Variants in CCDC120 observed in about 807,000 individuals in gnomAD.
CCDC120 encodes coiled-coil domain-containing protein 120.
In CCDC120, 16 loss-of-function variants were observed where a neutral mutation model predicts 37.6. The observed-to-expected ratio is 0.43, with a 90% CI of 0.29 to 0.65. The LOEUF is 0.65. Ranked by LOEUF, CCDC120 falls within the 30% of genes least tolerant of loss-of-function variation. The pLI is 0.18. For missense variants in CCDC120, 650 were observed against 657.4 expected (o/e 0.99, Z 0.12); for synonymous variants, 309 against 275.4 (o/e 1.12, Z -1.21).
At chrX:49,064,229 C>G in intron 5 of CCDC120, 141 bp from the exon 6 acceptor site, 1 of 792,785 alleles carries the variant, frequency 1.3e-6, no homozygotes, top group Non-Finnish European at 1.7e-6. Flanking sequence ...CAGCCCTTCA[C>G]CAAGAGAGGC....
At position 49,064,890 on chromosome X, in the gene CCDC120, G is replaced by A; in HGVS notation, c.725-146G>A. ...CCAAACTGGGGTGGTCTTGGGCTCTGGTAAAAGCAGATTCTTGGGACAGGA... is the reference window on the plus strand; with the variant it reads ...CCAAACTGGGGTGGTCTTGGGCTCTAGTAAAAGCAGATTCTTGGGACAGGA... On this transcript the variant is annotated intron_variant, in intron 6 of 10. Coordinates refer to ENST00000603986, the MANE Select transcript of CCDC120 (RefSeq NM_001163321.4). The A allele has an allele frequency of 9.9e-6, 7 of 709,633 alleles. No individual in the cohort carries two copies. The South Asian group carries it at 1.8e-4, about 19-fold the overall frequency. 58.5% of individuals were successfully genotyped at this position (709,633 alleles called of 1,213,427 possible).
chrX:49,063,849 G>A lies in CCDC120; in HGVS notation c.289-12G>A. On this transcript the variant is annotated splice_polypyrimidine_tract_variant and intron_variant, in intron 4 of 10. Transcript: ENST00000603986. ...TAACCCTTGGTAGTCTCTGACCCCT[G>A]CCTCCCACCAGGAGCTGACTGGCCA... is the stretch of plus-strand genomic sequence containing the variant. 1 of 1,196,085 alleles carries A rather than the reference G, an allele frequency of 8.4e-7. No individual in the cohort carries two copies. The highest frequency in any genetic ancestry group is 3.0e-5 in the East Asian group (1 of 33,109).
chrX:49,064,349 A>G, intron 5 of CCDC120, 21 bp from the exon 6 acceptor site: 1 of 1,147,545 alleles, frequency 8.7e-7, no homozygotes, highest in East Asian at 3.3e-5. Context: ...GCCATTTCCA[A>G]CATTTGGGTG....
At chrX:49,064,079 G>A in intron 5 of CCDC120, 78 bp downstream of exon 5, 1 of 1,094,849 alleles carries the variant, frequency 9.1e-7, no homozygotes, top group Admixed American at 3.3e-5. Flanking sequence ...GAAGGTGTGG[G>A]GAGGGGGCTT....
chrX:49,068,669 T>TA lies in CCDC120; in HGVS notation c.*12dup. The TA allele has an allele frequency of 1.8e-6, 2 of 1,106,175 alleles. No individual in the cohort carries two copies. The highest frequency in any genetic ancestry group is 2.4e-6 in the Non-Finnish European group (2 of 842,262). 91.2% of individuals were successfully genotyped at this position (1,106,175 alleles called of 1,213,427 possible). On this transcript the variant is annotated 3_prime_UTR_variant, in exon 11 of 11. Transcript: ENST00000603986. Reference sequence around the variant, plus strand: ...GGGACACTGGTCTGACCCCTTCTGATATGTCCCTTGTTGGCCTGGGCACGA... The same window carrying TA: ...GGGACACTGGTCTGACCCCTTCTGATAATGTCCCTTGTTGGCCTGGGCACGA...
chrX:49,063,743 G>A (rs782343730), intron 4 of CCDC120, 118 bp from the exon 5 acceptor site: 7 of 770,142 alleles, frequency 9.1e-6, no homozygotes, highest in Admixed American at 3.7e-5. Context: ...AGTATCGTGC[G>A]TGGTTGCTGA....
rs142345983 is a variant in CCDC120, at chrX:49,063,945, C to T, written c.373C>T (p.Arg125Cys). Residue 125 changes from arginine to cysteine, a missense_variant, in exon 5 of 11, where the codon CGC becomes TGC. Arg to Cys is a radical substitution (Grantham distance 180). This residue lies in a region of CCDC120 where 576 missense variants were observed against 565.3 expected (regional missense o/e 1.02). Transcript: ENST00000603986. ...QLVRRRPPTA[R>C]AYPPPHPNQA... The stretch of plus-strand genomic sequence containing the variant: ...GGTCCGCCGGCGGCCCCCCACAGCC[C>T]GCGCCTACCCTCCACCGCACCCCAA... The T allele has an allele frequency of 2.5e-5, 30 of 1,206,364 alleles. No individual in the cohort carries two copies. Among genetic ancestry groups the T allele is most frequent in the African/African-American group, 2.3e-4 (13 of 56,823 alleles).
chrX:49,056,715 A>G (rs2064833578), upstream of CCDC120, among the ~76,000 whole-genome samples: 1 of 111,105 alleles, frequency 9.0e-6, no homozygotes, highest in African/African-American at 3.3e-5. Flanking sequence ...ATCTGAGGAA[A>G]AACAACTGTT....
rs782469793 is a variant in CCDC120, at chrX:49,067,417, C to G, written c.1303C>G (p.Arg435Gly). Residue 435 changes from arginine (R) to glycine (G), a missense_variant, in exon 10 of 11, where the codon CGC becomes GGC. This residue lies in a region of CCDC120 where 576 missense variants were observed against 565.3 expected (regional missense o/e 1.02). Transcript: ENST00000603986. ...VCKSSEVLYE[R>G]PQPTPAFSSR... Reference sequence around the variant, plus strand: ...CAAGAGCAGTGAGGTGCTGTATGAGCGCCCCCAACCAACCCCTGCCTTCTC... The same window carrying G: ...CAAGAGCAGTGAGGTGCTGTATGAGGGCCCCCAACCAACCCCTGCCTTCTC... 1 of 1,190,353 alleles carries G rather than the reference C, an allele frequency of 8.4e-7. No individual in the cohort carries two copies. The highest frequency in any genetic ancestry group is 2.2e-5 in the Admixed American group (1 of 44,840).
intron 1 of CCDC120, among the ~76,000 whole-genome samples, chrX:49,060,115 G>A (rs1557079146): frequency 1.8e-5 from 2 of 111,828 alleles, no homozygotes; most frequent in African/African-American, 3.3e-5. Flanking sequence ...CTTCCAGGAC[G>A]CTCTGAGAAA....
chrX:49,067,206 C>T lies in CCDC120; in HGVS notation c.1092C>T (p.Ser364=), dbSNP rs782785098. 4.5e-5 allele frequency: 54 copies of T among 1,209,181 alleles called. No individual in the cohort carries two copies. The highest frequency in any genetic ancestry group is 4.6e-4 in the Middle Eastern group (2 of 4,303). ...KPEGLHSRQW[S]GSQDSQMGFP... is the part of the protein sequence containing the mutation. ...AAGGCCTTCATTCTCGTCAGTGGTCCGGCAGCCAGGACTCCCAGATGGGCT... is the reference window on the plus strand; with the variant it reads ...AAGGCCTTCATTCTCGTCAGTGGTCTGGCAGCCAGGACTCCCAGATGGGCT... The change falls in exon 10 of 11, where the codon TCC becomes TCT. Residue 364 remains serine (S), a synonymous_variant. Coordinates refer to ENST00000603986, the MANE Select transcript of CCDC120 (RefSeq NM_001163321.4).
chrX:49,059,492 A>G (rs2064858640), intron 1 of CCDC120: 1 of 268,969 alleles, frequency 3.7e-6, no homozygotes. Flanking sequence ...CTAAGAAACC[A>G]TTACTCAGGC....
At position 49,064,562 on chromosome X, in the gene CCDC120, C is replaced by G; in HGVS notation, c.622C>G (p.Leu208Val). 1 of 1,176,968 alleles carries G rather than the reference C, an allele frequency of 8.5e-7. No homozygotes were observed. The highest frequency in any genetic ancestry group is 1.9e-5 in the South Asian group (1 of 53,324). Residue 208 changes from leucine (L) to valine (V), a missense_variant, in exon 6 of 11, where the codon CTC (leucine) becomes GTC (valine). Around this residue, in one of 3 missense-constraint regions of CCDC120, gnomAD observed 576 missense variants for 565.3 expected, o/e 1.02. Coordinates refer to ENST00000603986, the MANE Select transcript of CCDC120 (RefSeq NM_001163321.4). ...CAGGGATGTCCGGGCCCGCCTTGGC[C>G]TCCCAGTGCTCCCGCTGCCCCAGCC... The part of the protein sequence containing the change: ...QLRDVRARLG[L>V]PVLPLPQPLP...
Position 49,065,519 on chromosome X carries a change from C to T in CCDC120, c.853C>T (p.Arg285Trp), listed in dbSNP as rs373973921. 2.1e-5 allele frequency: 25 copies of T among 1,208,937 alleles called. No individual in the cohort carries two copies. Among genetic ancestry groups the T allele is most frequent in the Admixed American group, 8.8e-5 (4 of 45,619 alleles). ...ACCACCCAAGGCTTGGGACCAGCTG[C>T]GGGCAGTATCTGGGGGGAGCCCTGA... ...PSPPKAWDQL[R>W]AVSGGSPERR... The change falls in exon 8 of 11, where the codon CGG becomes TGG. Residue 285 changes from arginine to tryptophan, a missense_variant. Coordinates refer to ENST00000603986, the MANE Select transcript of CCDC120 (RefSeq NM_001163321.4).
chrX:49,063,294 G>A (rs980767859), intron 4 of CCDC120, among the ~76,000 whole-genome samples: 9 of 108,470 alleles, frequency 8.3e-5, no homozygotes, highest in Admixed American at 2.0e-4. Flanking sequence ...TGGAGGTTGC[G>A]GTGAGCTGAG....
rs1345178364 is a variant in CCDC120, at chrX:49,062,276, G to C, written c.105G>C (p.Lys35Asn). 1.7e-6 allele frequency: 2 copies of C among 1,211,184 alleles called. No individual in the cohort carries two copies. The highest frequency in any genetic ancestry group is 5.9e-5 in the East Asian group (2 of 33,862). ...AGCCACGGCCTCTCGACAGCACCAA[G>C]ATGGAAGTCAAAGGTCAGCTGATCA... ...SHQPRPLDSTKMEVKGQLISS... is the reference protein window; with the variant it reads ...SHQPRPLDSTNMEVKGQLISS... Residue 35 changes from lysine (K) to asparagine (N), a missense_variant, in exon 3 of 11, where the codon AAG (lysine) becomes AAC (asparagine). By Grantham distance (94) the Lys-to-Asn change is moderately conservative (BLOSUM62 0). This residue lies in a region of CCDC120 where 64 missense variants were observed against 65.2 expected (regional missense o/e 0.98). Transcript: ENST00000603986.
At chrX:49,053,734 G>A (rs1184327261) in exon 1 of CCDC120, 1 of 113,023 alleles carries the variant, frequency 8.8e-6, no homozygotes, top group Non-Finnish European at 1.9e-5. Context: ...CGGTAGCGCA[G>A]CCGAACACGG....
At chrX:49,056,625 CAAA>C (rs56112125), upstream of CCDC120, among the ~76,000 whole-genome samples, 1,504 of 46,994 alleles carry the variant, frequency 0.032, 31 homozygotes, top group African/African-American at 0.13. Context: ...GACTCCGTCT[CAAA>C]AAAAAAAAAA....
Position 49,067,872 on chromosome X carries a change from C to T in CCDC120, c.1758C>T (p.His586=), listed in dbSNP as rs782199881. Residue 586 remains histidine (H), a synonymous_variant, in exon 10 of 11, where the codon CAC becomes CAT. Coordinates refer to ENST00000603986, the MANE Select transcript of CCDC120 (RefSeq NM_001163321.4). ...RIPSAGERSG[H]KNLALEGLRD... ...CCTCGGCTGGTGAACGCAGTGGCCA[C>T]AAGAACCTGGCTCTGGAGGGGCTGC... The T allele has an allele frequency of 7.7e-6, 9 of 1,169,710 alleles. No homozygotes were observed. The highest frequency in any genetic ancestry group is 1.0e-5 in the Non-Finnish European group (9 of 873,963).
Sources: gnomAD v4.1 joint callset for allele counts (sites outside exome capture counted in the v4.1 genomes callset) on GRCh38, gnomAD v4.1.1 for gene constraint, gnomAD v4.1.1 regional missense constraint, MANE v1.5 for transcripts, NCBI Gene and HGNC (gene_info 2026-07-23, HGNC 2026-07-21) for gene names.